DCBLD1: variants seen among roughly 807,000 people sequenced by gnomAD.
The protein encoded by DCBLD1 is discoidin, CUB and LCCL domain-containing protein 1.
In DCBLD1, 57 loss-of-function variants were observed where a neutral mutation model predicts 71.5. The ratio of observed to expected loss-of-function variants is 0.80; its 90% confidence interval spans 0.64 to 0.99. The LOEUF (loss-of-function observed/expected upper bound fraction) is 0.99, where lower values mean the gene tolerates loss of function less well. Among genes scored for constraint, DCBLD1 ranks in the 50% least tolerant of loss-of-function variants. The pLI is 0.00. For synonymous variants in DCBLD1, 380 were observed against 363.8 expected (o/e 1.04, Z -0.51); for missense variants, 891 against 923.5 (o/e 0.96, Z 0.46).
At chr6:117,487,995 G>C (rs1777149480) in intron 1 of DCBLD1, among the ~76,000 whole-genome samples, 1 of 152,226 alleles carries the variant, frequency 6.6e-6, no homozygotes, top group African/African-American at 2.4e-5. Flanking sequence ...ACCCGATGTG[G>C]AAATAGAGTC....
intron 11 of DCBLD1, among the ~76,000 whole-genome samples, chr6:117,541,419 C>T (rs1779093168): frequency 6.6e-6 from 1 of 152,070 alleles, no homozygotes; most frequent in African/African-American, 2.4e-5. Flanking sequence ...AGTAGCACGC[C>T]ACCCTTTCTG....
intron 2 of DCBLD1, among the ~76,000 whole-genome samples, chr6:117,511,375 A>G (rs1323691011): frequency 6.6e-5 from 10 of 152,188 alleles, no homozygotes. Flanking sequence ...ACTCTTTACT[A>G]TAGGATCCTA....
At chr6:117,519,488 T>C (rs1279039391) in intron 2 of DCBLD1, among the ~76,000 whole-genome samples, 2 of 152,230 alleles carry the variant, frequency 1.3e-5, no homozygotes, top group African/African-American at 2.4e-5. Context: ...TAGAATAACA[T>C]TTTTGTAATA....
rs1435516178 is a variant in DCBLD1, at chr6:117,548,170, C to G, written c.1879C>G (p.Gln627Glu). The G allele has an allele frequency of 6.5e-7, 1 of 1,550,324 alleles. No individual in the cohort carries two copies. Among genetic ancestry groups the G allele is most frequent in the East Asian group, 2.4e-5 (1 of 40,908 alleles). Residue 627 changes from glutamine to glutamate, a missense_variant, in exon 15 of 15, where the codon CAG becomes GAG. Gln to Glu is a conservative substitution (Grantham distance 29). Coordinates refer to ENST00000338728, the MANE Select transcript of DCBLD1 (RefSeq NM_001366458.2). The part of the protein sequence containing the change: ...AQSGYRVPGP[Q>E]PGHKHSLSSG... ...GAGCGGCTACCGCGTCCCAGGGCCC[C>G]AGCCCGGCCACAAACACTCCCTCTC...
intron 1 of DCBLD1, among the ~76,000 whole-genome samples, chr6:117,503,201 A>G (rs1022990984): frequency 1.3e-5 from 2 of 152,200 alleles, no homozygotes; most frequent in Admixed American, 6.5e-5. Context: ...TCCCAAGTCT[A>G]TGAGGAACTT....
At chr6:117,495,797 T>G (rs1391421553) in intron 1 of DCBLD1, among the ~76,000 whole-genome samples, 1 of 152,252 alleles carries the variant, frequency 6.6e-6, no homozygotes, top group East Asian at 1.9e-4. Flanking sequence ...CATTAAAGAA[T>G]AGCATTGGCT....
intron 14 of DCBLD1, among the ~76,000 whole-genome samples, chr6:117,559,107 C>T (rs930426677): frequency 2.0e-5 from 3 of 152,186 alleles, no homozygotes; most frequent in African/African-American, 7.2e-5. Flanking sequence ...ACTGTCTTTA[C>T]CCTTTGGGTG....
Position 117,538,672 on chromosome 6 carries a change from C to T in DCBLD1, c.813C>T (p.Ser271=). The T allele has an allele frequency of 3.1e-6, 5 of 1,614,134 alleles. No individual in the cohort carries two copies. Among genetic ancestry groups the T allele is most frequent in the Non-Finnish European group, 3.4e-6 (4 of 1,180,044 alleles). Residue 271 remains serine (S), a synonymous_variant, in exon 8 of 15, where the codon TCC becomes TCT. Transcript: ENST00000338728. Reference sequence around the variant, plus strand: ...CTGACGGGCAAATCAGAGCTTCTTCCTCATGGCAGTCGGTCAATGAGAGTG... The same window carrying T: ...CTGACGGGCAAATCAGAGCTTCTTCTTCATGGCAGTCGGTCAATGAGAGTG... ...FEPDGQIRAS[S]SWQSVNESGD... is the part of the protein sequence containing the mutation.
intron 2 of DCBLD1, among the ~76,000 whole-genome samples, chr6:117,516,913 CA>C (rs760197459): frequency 6.6e-6 from 1 of 152,186 alleles, no homozygotes; most frequent in Non-Finnish European, 1.5e-5. Flanking sequence ...GTCCCTCCCA[CA>C]ACACGTGGGA....
chr6:117,496,633 G>C (rs1015450617), intron 1 of DCBLD1, among the ~76,000 whole-genome samples: 1 of 152,102 alleles, frequency 6.6e-6, no homozygotes, highest in Non-Finnish European at 1.5e-5. Flanking sequence ...TATATGTGTT[G>C]AGACCTGTTG....
Position 117,548,752 on chromosome 6 carries a change from A to G in DCBLD1, c.*313A>G. On this transcript the variant is annotated 3_prime_UTR_variant, in exon 15 of 15. Transcript: ENST00000338728. ...TTGGTGTTAAAGGTGTAATGTGTACAGAGTTGTATTTAACAATAATAAAAG... is the reference window on the plus strand; with the variant it reads ...TTGGTGTTAAAGGTGTAATGTGTACGGAGTTGTATTTAACAATAATAAAAG... 1 of 1,228,030 alleles carries G rather than the reference A, an allele frequency of 8.1e-7. No homozygotes were observed. The highest frequency in any genetic ancestry group is 1.0e-6 in the Non-Finnish European group (1 of 982,624). The allele number at this position is 1,228,030 out of a possible 1,614,324, so 76.1% of individuals were successfully genotyped here.
intron 5 of DCBLD1, among the ~76,000 whole-genome samples, chr6:117,529,892 G>A (rs1486035110): frequency 6.6e-6 from 1 of 152,186 alleles, no homozygotes; most frequent in African/African-American, 2.4e-5. Context: ...ATTCACCATT[G>A]AATTCCTTCA....
intron 14 of DCBLD1, among the ~76,000 whole-genome samples, chr6:117,555,916 G>A (rs1779489743): frequency 6.6e-6 from 1 of 152,144 alleles, no homozygotes; most frequent in Non-Finnish European, 1.5e-5. Context: ...GCCTATTAAA[G>A]TAGAATTAAG....
chr6:117,561,033 A>G (rs931446986), intron 14 of DCBLD1: 2 of 220,220 alleles, frequency 9.1e-6, no homozygotes, highest in Admixed American at 5.8e-5. Context: ...TTAACTAGTT[A>G]CTTTCTAACA....
At chr6:117,551,961 CA>C (rs895481242), downstream of DCBLD1, among the ~76,000 whole-genome samples, 20 of 148,044 alleles carry the variant, frequency 1.4e-4, no homozygotes, top group African/African-American at 2.7e-4. Context: ...CTCCTCTCTA[CA>C]AAAAAAAAAT....
intron 2 of DCBLD1, among the ~76,000 whole-genome samples, chr6:117,515,432 G>A (rs1357107996): frequency 2.0e-5 from 3 of 152,170 alleles, no homozygotes; most frequent in Non-Finnish European, 4.4e-5. Context: ...ATAAAAAAAT[G>A]TGATTTGAAA....
intron 2 of DCBLD1, among the ~76,000 whole-genome samples, chr6:117,514,475 C>T (rs987560441): frequency 3.3e-5 from 5 of 151,780 alleles, no homozygotes; most frequent in Non-Finnish European, 5.9e-5. Context: ...GACATGGTGG[C>T]ACACACCTGT....
chr6:117,504,560 T>A (rs1475229493), intron 2 of DCBLD1, among the ~76,000 whole-genome samples: 1 of 152,224 alleles, frequency 6.6e-6, no homozygotes, highest in Non-Finnish European at 1.5e-5. Flanking sequence ...AGTGGACATT[T>A]GAGCAGAGAC....
At chr6:117,536,458 G>C (rs746976348) in intron 6 of DCBLD1, among the ~76,000 whole-genome samples, 25 of 152,202 alleles carry the variant, frequency 1.6e-4, no homozygotes, top group Non-Finnish European at 3.1e-4. Flanking sequence ...AATGTCTTCT[G>C]CACTGAAGGA....
Sources: gnomAD v4.1 joint callset for allele counts (sites outside exome capture counted in the v4.1 genomes callset) on GRCh38, gnomAD v4.1.1 for gene constraint, MANE v1.5 for transcripts, NCBI Gene and HGNC (gene_info 2026-07-23, HGNC 2026-07-21) for gene names.